The following DRC1 variants were observed in gnomAD, a reference collection of about 807,000 sequenced individuals.
DRC1 encodes dynein regulatory complex protein 1.
In DRC1, 74 loss-of-function variants were observed where a neutral mutation model predicts 98.7. That is an observed-to-expected ratio of 0.75 (90% CI 0.62 to 0.91). The LOEUF is 0.91. DRC1 is among the 40% of genes least tolerant of loss of function. DRC1 has a pLI of 0.00. For missense variants in DRC1, 875 were observed against 886.0 expected, an observed-to-expected ratio of 0.99 and a Z score of 0.16; for synonymous variants, 336 against 334.1, an observed-to-expected ratio of 1.01 and a Z score of -0.06.
At chr2:26,405,250 AT>A (rs935814576) in intron 1 of DRC1, among the ~76,000 whole-genome samples, 6 of 152,146 alleles carry the variant, frequency 3.9e-5, no homozygotes, top group African/African-American at 1.4e-4. Context: ...TTTGCACCAA[AT>A]GATGCCATAT....
chr2:26,438,065 C>G (rs1663618436), intron 7 of DRC1, among the ~76,000 whole-genome samples: 1 of 132,392 alleles, frequency 7.6e-6, no homozygotes, highest in Non-Finnish European at 1.5e-5. Flanking sequence ...GCACTCCAGC[C>G]TGGGCGAGAA....
chr2:26,438,360 G>A (rs1420703393), intron 7 of DRC1, among the ~76,000 whole-genome samples: 1 of 152,068 alleles, frequency 6.6e-6, no homozygotes, highest in Non-Finnish European at 1.5e-5. Flanking sequence ...TTTCTACAAT[G>A]AGCAAATATT....
chr2:26,408,625 T>C (rs2147976596), intron 1 of DRC1, among the ~76,000 whole-genome samples: 1 of 151,988 alleles, frequency 6.6e-6, no homozygotes, highest in South Asian at 2.1e-4. Flanking sequence ...ATATGAAAAT[T>C]AGCGGCGTGG....
intron 2 of DRC1, among the ~76,000 whole-genome samples, chr2:26,417,027 T>C (rs1678828768): frequency 6.6e-6 from 1 of 151,956 alleles, no homozygotes; most frequent in Non-Finnish European, 1.5e-5. Context: ...AACAGCCAGA[T>C]CTCACGAGAA....
At chr2:26,428,384 T>C (rs917564401) in intron 4 of DRC1, among the ~76,000 whole-genome samples, 2 of 152,236 alleles carry the variant, frequency 1.3e-5, no homozygotes, top group Admixed American at 1.3e-4. Flanking sequence ...CTAGGGTATA[T>C]GATATAACTA....
intron 4 of DRC1, among the ~76,000 whole-genome samples, chr2:26,425,541 CA>C (rs1663261079): frequency 6.6e-6 from 1 of 152,218 alleles, no homozygotes; most frequent in Non-Finnish European, 1.5e-5. Flanking sequence ...TTCCCACCAA[CA>C]GTACACAAGG....
chr2:26,450,139 T>G, intron 12 of DRC1, 54 bp downstream of exon 12: 1 of 1,543,924 alleles, frequency 6.5e-7, no homozygotes, highest in South Asian at 1.2e-5. Context: ...GGCCGTGTTC[T>G]CAGATGGCCC....
Position 26,440,517 on chromosome 2 carries a change from G to A in DRC1, c.1028G>A (p.Arg343His). Residue 343 changes from arginine to histidine, a missense_variant and splice_region_variant, in exon 8 of 17, where the codon CGC (arginine) becomes CAC (histidine). Transcript: ENST00000288710. The stretch of plus-strand genomic sequence containing the variant: ...TCCCAGCAGAAGAGGAAGATCAATC[G>A]GTAAGCTAGCATGCAGAGCGTCTTT... ...IKSQQKRKIN[R>H]LHDILNNLRS... 4.4e-6 allele frequency: 7 copies of A among 1,609,090 alleles called. No homozygotes were observed. The highest frequency in any genetic ancestry group is 1.3e-5 in the African/African-American group (1 of 74,910).
chr2:26,411,252 G>GT (rs1678600128), intron 1 of DRC1, among the ~76,000 whole-genome samples: 1 of 152,182 alleles, frequency 6.6e-6, no homozygotes, highest in Non-Finnish European at 1.5e-5. Flanking sequence ...GTCATTTCAA[G>GT]TTTTCTAGTA....
Position 26,454,999 on chromosome 2 carries a change from C to T in DRC1, c.2064-132C>T, listed in dbSNP as rs886925671. 3.1e-5 allele frequency: 42 copies of T among 1,346,346 alleles called. No homozygotes were observed. The highest frequency in any genetic ancestry group is 2.9e-4 in the South Asian group (24 of 82,064). The allele number at this position is 1,346,346 out of a possible 1,614,324, so 83.4% of individuals were successfully genotyped here. A position where few individuals can be genotyped will look rare whatever the true frequency, so the allele number is the denominator to read the frequency against. Reference sequence around the variant, plus strand: ...GTTCCTGCTAACCTGGCTCACCTGGCGGCTGGGTGAAGAGTGTAGCTTCTG... The same window carrying T: ...GTTCCTGCTAACCTGGCTCACCTGGTGGCTGGGTGAAGAGTGTAGCTTCTG... On this transcript the variant is annotated intron_variant, in intron 15 of 16. Coordinates refer to ENST00000288710, the MANE Select transcript of DRC1 (RefSeq NM_145038.5). This position sits in a 1 kb window ranked among gnomAD's most constrained non-coding sequence, Gnocchi z 5.2.
rs577357722 is a variant in DRC1 at position 26,443,438 on chromosome 2, C to T, written c.1029-784C>T. On this transcript the variant is annotated intron_variant, in intron 8 of 16. Transcript: ENST00000288710. Reference sequence around the variant, plus strand: ...GTGCTATTGGACAGGTTTTAACTGCCTCTTGCTATTCTGGAAATTTTGGAC... The same window carrying T: ...GTGCTATTGGACAGGTTTTAACTGCTTCTTGCTATTCTGGAAATTTTGGAC... Among the ~76,000 whole-genome samples, 7 of 152,256 alleles carry T rather than the reference C, an allele frequency of 4.6e-5. No individual in the cohort carries two copies. In the South Asian group the frequency reaches 1.4e-3, roughly 32 times the overall value.
intron 7 of DRC1, among the ~76,000 whole-genome samples, chr2:26,436,788 C>T (rs879277361): frequency 1.3e-5 from 2 of 152,142 alleles, no homozygotes; most frequent in Non-Finnish European, 2.9e-5. Context: ...GGGATTATTG[C>T]AAGGCCAGGA....
At chr2:26,426,204 G>A (rs557957832) in intron 4 of DRC1, among the ~76,000 whole-genome samples, 1 of 152,110 alleles carries the variant, frequency 6.6e-6, no homozygotes, top group South Asian at 2.1e-4. Context: ...TAGATGCAGG[G>A]GTTTATGTAT....
chr2:26,409,767 G>A (rs79397521), intron 1 of DRC1, among the ~76,000 whole-genome samples: 1,743 of 152,208 alleles, frequency 0.011, 32 homozygotes, highest in African/African-American at 0.035. Context: ...TTTTTTCCAC[G>A]TAAAACAGTG....
At chr2:26,427,327 T>C (rs1297403641) in intron 4 of DRC1, among the ~76,000 whole-genome samples, 1 of 151,974 alleles carries the variant, frequency 6.6e-6, no homozygotes, top group Non-Finnish European at 1.5e-5. Context: ...CGTTGCCAAG[T>C]CTGGTCTCAA....
rs1041139502 is a variant in DRC1 at position 26,456,642 on chromosome 2, T to A, written c.*125T>A. Reference sequence around the variant, plus strand: ...TCTGGATTTTCCAGGGCTGTCTTTATAGCCTGTCGAAATAAGGAGCCAGAG... The same window carrying A: ...TCTGGATTTTCCAGGGCTGTCTTTAAAGCCTGTCGAAATAAGGAGCCAGAG... On this transcript the variant is annotated 3_prime_UTR_variant, in exon 17 of 17. Coordinates refer to ENST00000288710, the MANE Select transcript of DRC1 (RefSeq NM_145038.5). The A allele has an allele frequency of 2.4e-5, 27 of 1,120,432 alleles. No homozygotes were observed. The highest frequency in any genetic ancestry group is 3.4e-5 in the Non-Finnish European group (26 of 767,618). 69.4% of individuals were successfully genotyped at this position (1,120,432 alleles called of 1,614,324 possible).
intron 1 of DRC1, among the ~76,000 whole-genome samples, chr2:26,413,399 T>G (rs988935375): frequency 6.6e-6 from 1 of 152,234 alleles, no homozygotes; most frequent in African/African-American, 2.4e-5. Context: ...GAAGGCACAT[T>G]TAAGCTTTTG....
At chr2:26,419,199 T>C (rs1005799504) in intron 2 of DRC1, among the ~76,000 whole-genome samples, 12 of 152,116 alleles carry the variant, frequency 7.9e-5, no homozygotes, top group African/African-American at 2.2e-4. Flanking sequence ...GAATGTTTTA[T>C]TTAACAATTT....
intron 9 of DRC1, 36 bp from the exon 10 acceptor site, chr2:26,444,680 G>A (rs1663805134): frequency 6.3e-7 from 1 of 1,594,682 alleles, no homozygotes; most frequent in Non-Finnish European, 8.6e-7. Context: ...CAGGTCCTGG[G>A]GCCAGCTGGC....
Sources: allele counts gnomAD v4.1 joint callset (sites outside exome capture counted in the v4.1 genomes callset), GRCh38; gene constraint gnomAD v4.1.1; non-coding constraint Gnocchi (gnomAD v3.1); transcripts MANE v1.5; gene names NCBI Gene and HGNC (gene_info 2026-07-23, HGNC 2026-07-21).